PPP3CC: variants seen among roughly 807,000 people sequenced by gnomAD.
PPP3CC encodes the protein serine/threonine-protein phosphatase 2B catalytic subunit gamma isoform.
PPP3CC carries 35 observed loss-of-function variants against 60.3 expected under a neutral mutation model. The ratio of observed to expected loss-of-function variants is 0.58; its 90% CI spans 0.44 to 0.77. The LOEUF (loss-of-function observed/expected upper bound fraction) is 0.77, where lower values mean the gene tolerates loss of function less well. Among genes scored for constraint, PPP3CC ranks in the 30% least tolerant of loss-of-function variants. The pLI, the probability that PPP3CC is intolerant of heterozygous loss-of-function variation, is 0.00. For missense variants in PPP3CC, 570 were observed against 628.9 expected (o/e 0.91, Z 1.00); for synonymous variants, 206 against 224.3 (o/e 0.92, Z 0.73).
chr8:22,526,993 A>T (rs909141763), intron 8 of PPP3CC, among the ~76,000 whole-genome samples: 2 of 152,206 alleles, frequency 1.3e-5, no homozygotes, highest in African/African-American at 4.8e-5. Context: ...AATGACTAGC[A>T]AAACAGGCTG....
At chr8:22,450,626 G>A (rs1488695834) in intron 1 of PPP3CC, among the ~76,000 whole-genome samples, 1 of 152,130 alleles carries the variant, frequency 6.6e-6, no homozygotes, top group Non-Finnish European at 1.5e-5. Context: ...CTGTCATCGT[G>A]ATCTGTGAAC....
intron 3 of PPP3CC, among the ~76,000 whole-genome samples, chr8:22,489,843 A>G (rs187568585): frequency 1.8e-3 from 274 of 149,076 alleles, no homozygotes; most frequent in African/African-American, 6.3e-3. Flanking sequence ...CTAATTTGAG[A>G]TGGAGTCTTG....
At chr8:22,494,727 G>C (rs1838512464) in intron 3 of PPP3CC, among the ~76,000 whole-genome samples, 1 of 152,016 alleles carries the variant, frequency 6.6e-6, no homozygotes, top group Admixed American at 6.6e-5. Flanking sequence ...GACCAAATAA[G>C]GCCACACTCT....
chr8:22,533,750 G>A (rs567150661), intron 12 of PPP3CC, among the ~76,000 whole-genome samples: 21 of 152,306 alleles, frequency 1.4e-4, no homozygotes, highest in Middle Eastern at 3.4e-3. Context: ...GCTTGAATCC[G>A]GGAGGCGGAG....
chr8:22,477,657 C>T (rs11778844), intron 3 of PPP3CC, among the ~76,000 whole-genome samples: 85,469 of 151,554 alleles, frequency 0.56, 25,419 homozygotes, highest in African/African-American at 0.76. Flanking sequence ...AGATGGGGTC[C>T]TGCCATGTTG....
At chr8:22,538,963 C>A (rs181081040) in intron 12 of PPP3CC, among the ~76,000 whole-genome samples, 1 of 152,206 alleles carries the variant, frequency 6.6e-6, no homozygotes, top group East Asian at 1.9e-4. Context: ...AAATGCCAGT[C>A]TGCTGTTCAA....
Position 22,441,319 on chromosome 8 carries a change from GGCAGC to G in PPP3CC, c.-90_-86del. On this transcript the variant is annotated 5_prime_UTR_variant, in exon 1 of 14. Coordinates refer to ENST00000240139, the MANE Select transcript of PPP3CC (RefSeq NM_005605.5). ...CGGGCACGGCTGGCTGACGGCTCCGGGCAGCTAAGGCTGCCCGAGGAGAAGGCGGC... is the reference window on the plus strand; with the variant it reads ...CGGGCACGGCTGGCTGACGGCTCCGGTAAGGCTGCCCGAGGAGAAGGCGGC... 7.6e-7 allele frequency: 1 copy of G among 1,312,230 alleles called. No homozygotes were observed. Among genetic ancestry groups the G allele is most frequent in the South Asian group, 1.5e-5 (1 of 68,590 alleles). The allele number at this position is 1,312,230 out of a possible 1,614,324, so 81.3% of individuals were successfully genotyped here.
At chr8:22,528,937 G>A (rs1354622938) in intron 10 of PPP3CC, among the ~76,000 whole-genome samples, 1 of 152,060 alleles carries the variant, frequency 6.6e-6, no homozygotes, top group Non-Finnish European at 1.5e-5. Flanking sequence ...CGGTGGTGTT[G>A]GTTATTGGAG....
At chr8:22,532,133 G>A (rs1418293245) in intron 10 of PPP3CC, 92 bp from the exon 11 acceptor site, 6 of 854,900 alleles carry the variant, frequency 7.0e-6, no homozygotes, top group Non-Finnish European at 8.9e-6. Flanking sequence ...AAAAACAATT[G>A]TTTCTTTAAC....
intron 1 of PPP3CC, 72 bp from the exon 2 acceptor site, chr8:22,474,882 G>A (rs2132467700): frequency 9.5e-7 from 1 of 1,051,264 alleles, no homozygotes; most frequent in Non-Finnish European, 1.3e-6. Context: ...AATTTGTCAT[G>A]TAAAAGAATT....
chr8:22,468,485 A>G (rs1197599641), intron 1 of PPP3CC, among the ~76,000 whole-genome samples: 2 of 152,194 alleles, frequency 1.3e-5, no homozygotes, highest in African/African-American at 4.8e-5. Flanking sequence ...CTTTTCATAA[A>G]TAGTTTATTT....
rs1836654578 is a variant in PPP3CC, at chr8:22,441,204, G to A, written c.-206G>A. The A allele has an allele frequency of 2.3e-6, 1 of 434,616 alleles. No homozygotes were observed. 26.9% of individuals were successfully genotyped at this position (434,616 alleles called of 1,614,324 possible). ...GCTGGCGCCTCCCAAGAGAGCGGCC[G>A]GTGGGCCCTCGTCCTGTCAGTGGCG... is the stretch of plus-strand genomic sequence containing the variant. On this transcript the variant is annotated 5_prime_UTR_variant, in exon 1 of 14. Transcript: ENST00000240139.
At position 22,449,673 on chromosome 8, in the gene PPP3CC, A is replaced by G. The variant is rs571764600; in HGVS notation, c.49+8215A>G. Among the ~76,000 whole-genome samples the G allele has an allele frequency of 5.3e-4, 80 of 152,104 alleles. 2 individuals are homozygous for G. In the South Asian group the frequency reaches 0.016, roughly 30 times the overall value. ...CATGATGGGGGTTAGAAAAACATACAGAAGTCAGTATGGAGAAAGAAAAGG... is the reference window on the plus strand; with the variant it reads ...CATGATGGGGGTTAGAAAAACATACGGAAGTCAGTATGGAGAAAGAAAAGG... On this transcript the variant is annotated intron_variant, in intron 1 of 13. Transcript: ENST00000240139.
In PPP3CC at chr8:22,522,690, T is replaced by G. The variant is rs1195618473; in HGVS notation, c.884T>G (p.Phe295Cys). The change falls in exon 8 of 14, where the codon TTT becomes TGT. Residue 295 changes from phenylalanine to cysteine, a missense_variant. Physicochemically the swap from Phe to Cys is radical, Grantham distance 205. Transcript: ENST00000240139. ...RMYRKSQATG[F>C]PSLITIFSAP... is the part of the protein sequence containing the mutation. ...TACAGGAAGAGCCAAGCCACAGGCT[T>G]TCCATCACTTATTACAATTTTCTCT... The G allele has an allele frequency of 6.2e-7, 1 of 1,607,580 alleles. No homozygotes were observed. The highest frequency in any genetic ancestry group is 1.1e-5 in the South Asian group (1 of 90,850).
rs778650134 is a variant in PPP3CC, at chr8:22,532,332, G to A, written c.1223+26G>A. On this transcript the variant is annotated intron_variant, in intron 11 of 13. Transcript: ENST00000240139. ...GTAAGGATGTCTGTCATTACAGTGCGGATTAAAGGCATTTTGAGAGTAAAT... is the reference window on the plus strand; with the variant it reads ...GTAAGGATGTCTGTCATTACAGTGCAGATTAAAGGCATTTTGAGAGTAAAT... 37 of 1,551,310 alleles carry A rather than the reference G, an allele frequency of 2.4e-5. No homozygotes were observed. In the Middle Eastern group the frequency reaches 2.2e-3, roughly 92 times the overall value.
intron 1 of PPP3CC, among the ~76,000 whole-genome samples, chr8:22,469,360 T>G (rs150060466): frequency 2.0e-5 from 3 of 151,856 alleles, no homozygotes; most frequent in East Asian, 3.9e-4. Context: ...AGGGGAAGGA[T>G]GAAGAGAAGT....
At position 22,486,057 on chromosome 8, in the gene PPP3CC, G is replaced by A. The variant is rs1003059012; in HGVS notation, c.372+10433G>A. Among the ~76,000 whole-genome samples, 19 of 151,550 alleles carry A rather than the reference G, an allele frequency of 1.3e-4. No individual in the cohort carries two copies. In the East Asian group the frequency reaches 1.6e-3, roughly 12 times the overall value. On this transcript the variant is annotated intron_variant, in intron 3 of 13. Transcript: ENST00000240139. The stretch of plus-strand genomic sequence containing the variant: ...TATATGTCCTGAGTGCTTCCCCCCC[G>A]CCCTCTTGACTCTGTTTTAGTTGGG...
intron 1 of PPP3CC, among the ~76,000 whole-genome samples, chr8:22,461,237 A>C (rs1837354098): frequency 1.3e-5 from 2 of 152,224 alleles, no homozygotes; most frequent in Non-Finnish European, 2.9e-5. Context: ...AGGGGTTTTT[A>C]AACTTGATTT....
intron 1 of PPP3CC, among the ~76,000 whole-genome samples, chr8:22,464,900 C>G (rs1837472773): frequency 6.6e-6 from 1 of 151,898 alleles, no homozygotes; most frequent in African/African-American, 2.4e-5. Context: ...TGCAAAATCA[C>G]TTCTGCTGCA....
Sources: gnomAD v4.1 joint callset for allele counts (sites outside exome capture counted in the v4.1 genomes callset) on GRCh38, gnomAD v4.1.1 for gene constraint, MANE v1.5 for transcripts, NCBI Gene and HGNC (gene_info 2026-07-23, HGNC 2026-07-21) for gene names.